Variants in SMIM31 observed in about 807,000 individuals in gnomAD.
SMIM31 encodes small integral membrane protein 31, also known as human epithelial cell program regulator.
rs377011554 is a variant in SMIM31 at position 164,763,960 on chromosome 4, A to T, written c.-25-6459A>T. On this transcript the variant is annotated intron_variant, in intron 1 of 2. Transcript: ENST00000507311. ...TCTGTGAGATAAGAAAAATAACGGT[A>T]GATAGGAAGTGCTATATCTATCTTT... Among the ~76,000 whole-genome samples the T allele has an allele frequency of 2.6e-5, 4 of 152,354 alleles. No individual in the cohort carries two copies. The East Asian group carries it at 7.7e-4, about 29-fold the overall frequency.
intron 2 of SMIM31, among the ~76,000 whole-genome samples, chr4:164,790,611 A>G (rs1242470166): frequency 6.6e-6 from 1 of 152,164 alleles, no homozygotes; most frequent in East Asian, 1.9e-4. Context: ...AAAGTGACTA[A>G]ATTTGGACAA....
At chr4:164,771,784 G>T (rs1020142971) in intron 2 of SMIM31, among the ~76,000 whole-genome samples, 2 of 152,136 alleles carry the variant, frequency 1.3e-5, no homozygotes, top group African/African-American at 4.8e-5. Context: ...ACTCCAGCCT[G>T]AGTGACAGAG....
At chr4:164,756,053 A>T (rs1041616014) in intron 1 of SMIM31, among the ~76,000 whole-genome samples, 5 of 152,220 alleles carry the variant, frequency 3.3e-5, no homozygotes, top group African/African-American at 1.2e-4. Context: ...ACCCCTAAAC[A>T]TTTAGGAAAG....
At chr4:164,789,763 A>G (rs1184512354) in intron 2 of SMIM31, among the ~76,000 whole-genome samples, 3 of 152,230 alleles carry the variant, frequency 2.0e-5, no homozygotes, top group Admixed American at 1.3e-4. Context: ...ATGTTGGAAG[A>G]TGGTACTTAT....
At position 164,773,029 on chromosome 4, in the gene SMIM31, T is replaced by TAA. The variant is rs56863708; in HGVS notation, c.112+2499_112+2500dup. Among the ~76,000 whole-genome samples the TAA allele has an allele frequency of 2.0e-3, 152 of 76,648 alleles. 3 individuals carry two copies. Among genetic ancestry groups the TAA allele is most frequent in the African/African-American group, 6.9e-3 (140 of 20,392 alleles). The allele number at this position is 76,648 out of a possible 152,430, so 50.3% of individuals were successfully genotyped here. ...TAACCTTGAAAAAGACACTTGGCTT[T>TAA]AAAAAAAAAAAAAAAAAAAAAAAAA... is the stretch of plus-strand genomic sequence containing the variant. On this transcript the variant is annotated intron_variant, in intron 2 of 2. Transcript: ENST00000507311.
At position 164,803,688 on chromosome 4, in the gene SMIM31, A is replaced by T. The variant is rs762653817; in HGVS notation, c.*2494A>T. 1 of 152,052 alleles carries T rather than the reference A, an allele frequency of 6.6e-6. No individual in the cohort carries two copies. Among genetic ancestry groups the T allele is most frequent in the African/African-American group, 2.4e-5 (1 of 41,394 alleles). The allele number at this position is 152,052 out of a possible 1,614,324, so 9.4% of individuals were successfully genotyped here. ...TCCATGCCTGTAATCCTAGCTACTCAGGAGGCTGAGGCAGGAGAATCACTT... is the reference window on the plus strand; with the variant it reads ...TCCATGCCTGTAATCCTAGCTACTCTGGAGGCTGAGGCAGGAGAATCACTT... On this transcript the variant is annotated 3_prime_UTR_variant, in exon 3 of 3. Coordinates refer to ENST00000507311, the MANE Select transcript of SMIM31 (RefSeq NM_001352885.1).
intron 2 of SMIM31, among the ~76,000 whole-genome samples, chr4:164,800,252 G>A (rs1214584524): frequency 2.0e-5 from 3 of 150,274 alleles, no homozygotes; most frequent in Non-Finnish European, 4.4e-5. Flanking sequence ...TCTCTTTGTC[G>A]AGGCTGGAGT....
intron 2 of SMIM31, among the ~76,000 whole-genome samples, chr4:164,790,613 T>C (rs535022188): frequency 6.6e-6 from 1 of 152,130 alleles, no homozygotes; most frequent in Non-Finnish European, 1.5e-5. Context: ...AGTGACTAAA[T>C]TTGGACAAAA....
chr4:164,787,600 C>T (rs1192679187), intron 2 of SMIM31, among the ~76,000 whole-genome samples: 2 of 149,620 alleles, frequency 1.3e-5, no homozygotes, highest in East Asian at 2.0e-4. Context: ...CGCTGTTCTC[C>T]GTCTTCTCTC....
At chr4:164,764,152 G>A (rs1178803084) in intron 1 of SMIM31, among the ~76,000 whole-genome samples, 1 of 152,156 alleles carries the variant, frequency 6.6e-6, no homozygotes, top group African/African-American at 2.4e-5. Flanking sequence ...TCAAATAGCT[G>A]TCCAGCCTGA....
At chr4:164,760,982 G>A (rs1732642158) in intron 1 of SMIM31, among the ~76,000 whole-genome samples, 1 of 152,112 alleles carries the variant, frequency 6.6e-6, no homozygotes, top group Admixed American at 6.5e-5. Context: ...TGAGATCTTT[G>A]TCCAGTGAAA....
intron 2 of SMIM31, among the ~76,000 whole-genome samples, chr4:164,792,214 T>C (rs1733110896): frequency 6.6e-6 from 1 of 152,230 alleles, no homozygotes. Flanking sequence ...AGTAGCAACA[T>C]TTTAGATTAT....
chr4:164,764,154 C>T (rs995063045), intron 1 of SMIM31, among the ~76,000 whole-genome samples: 22 of 152,132 alleles, frequency 1.4e-4, no homozygotes, highest in African/African-American at 5.3e-4. Context: ...AAATAGCTGT[C>T]CAGCCTGAAT....
At position 164,803,668 on chromosome 4, in the gene SMIM31, G is replaced by A. The variant is rs537998189; in HGVS notation, c.*2474G>A. ...AAATTAGCCAGGCGTGGTGGTCCAT[G>A]CCTGTAATCCTAGCTACTCAGGAGG... On this transcript the variant is annotated 3_prime_UTR_variant, in exon 3 of 3. Coordinates refer to ENST00000507311, the MANE Select transcript of SMIM31 (RefSeq NM_001352885.1). The A allele has an allele frequency of 7.2e-5, 11 of 152,082 alleles. No homozygotes were observed. In the East Asian group the frequency reaches 2.1e-3, roughly 30 times the overall value. The allele number at this position is 152,082 out of a possible 1,614,324, so 9.4% of individuals were successfully genotyped here.
chr4:164,781,497 G>C (rs1406221392), intron 2 of SMIM31, among the ~76,000 whole-genome samples: 1 of 152,122 alleles, frequency 6.6e-6, no homozygotes, highest in Non-Finnish European at 1.5e-5. Flanking sequence ...GCAACAATAT[G>C]AATGAATCTC....
At chr4:164,786,539 T>C (rs760912612) in intron 2 of SMIM31, among the ~76,000 whole-genome samples, 7 of 152,180 alleles carry the variant, frequency 4.6e-5, no homozygotes, top group Non-Finnish European at 1.0e-4. Context: ...TTTGAAAACA[T>C]ATTTTAGCTT....
chr4:164,779,309 C>T (rs758104185), intron 2 of SMIM31, among the ~76,000 whole-genome samples: 9 of 152,080 alleles, frequency 5.9e-5, no homozygotes, highest in Non-Finnish European at 1.0e-4. Flanking sequence ...CATAGTTCTG[C>T]GGGTGCCAAA....
chr4:164,791,299 C>T (rs1397873448), intron 2 of SMIM31, among the ~76,000 whole-genome samples: 1 of 152,084 alleles, frequency 6.6e-6, no homozygotes, highest in Non-Finnish European at 1.5e-5. Context: ...TGATGTATCA[C>T]TGTTTTAAAA....
At chr4:164,767,923 A>G (rs1732740694) in intron 1 of SMIM31, among the ~76,000 whole-genome samples, 1 of 152,176 alleles carries the variant, frequency 6.6e-6, no homozygotes, top group African/African-American at 2.4e-5. Context: ...GGCAGCATCT[A>G]GGGTAGTGAG....
Sources: gnomAD v4.1 joint callset for allele counts (sites outside exome capture counted in the v4.1 genomes callset) on GRCh38, gnomAD v4.1.1 for gene constraint, MANE v1.5 for transcripts, NCBI Gene and HGNC (gene_info 2026-07-23, HGNC 2026-07-21) for gene names.